OTULIN: variants seen among roughly 807,000 people sequenced by gnomAD.
OTULIN encodes the protein OTU deubiquitinase with linear linkage specificity, also known as ubiquitin thioesterase otulin.
A neutral mutation model predicts 39.6 loss-of-function variants in OTULIN; 15 were observed. That is an observed-to-expected ratio of 0.38 (90% CI 0.25 to 0.58). OTULIN has a LOEUF of 0.58. Ranked by LOEUF, OTULIN falls within the 20% of genes least tolerant of loss-of-function variation. The pLI is 0.66. For synonymous variants in OTULIN, 156 were observed against 170.3 expected, an observed-to-expected ratio of 0.92 and a Z score of 0.65; for missense variants, 319 against 445.9, an observed-to-expected ratio of 0.72 and a Z score of 2.56.
In OTULIN at chr5:14,694,696, ATATT is replaced by A. The variant is rs1736621423; in HGVS notation, c.*1653_*1656del. ...AGTAATATTCACCACATTTTGCTAA[ATATT>A]TATTGATTAGAGTGTTGAAATCAAA... On this transcript the variant is annotated 3_prime_UTR_variant, in exon 7 of 7. Transcript: ENST00000284274. 1 of 152,672 alleles carries A rather than the reference ATATT, an allele frequency of 6.5e-6. No homozygotes were observed. The highest frequency in any genetic ancestry group is 2.4e-5 in the African/African-American group (1 of 41,466). The allele number at this position is 152,672 out of a possible 1,614,324, so 9.5% of individuals were successfully genotyped here. A position where few individuals can be genotyped will look rare whatever the true frequency, so the allele number is the denominator to read the frequency against.
chr5:14,692,435 T>TG (rs1490152026), intron 6 of OTULIN, among the ~76,000 whole-genome samples: 1 of 152,228 alleles, frequency 6.6e-6, no homozygotes, highest in African/African-American at 2.4e-5. Flanking sequence ...CTAGTGGGTG[T>TG]GAAGTACTAT....
chr5:14,680,382 T>A (rs1736215037), intron 3 of OTULIN, among the ~76,000 whole-genome samples: 1 of 152,240 alleles, frequency 6.6e-6, no homozygotes, highest in Admixed American at 6.5e-5. Context: ...TTCTAGTACC[T>A]GGACACACAG....
At chr5:14,671,139 G>A (rs547025502) in intron 1 of OTULIN, among the ~76,000 whole-genome samples, 6 of 152,138 alleles carry the variant, frequency 3.9e-5, no homozygotes, top group Non-Finnish European at 8.8e-5. Flanking sequence ...GTTGGCCTTT[G>A]TAGGAATTTG....
intron 4 of OTULIN, among the ~76,000 whole-genome samples, chr5:14,684,293 G>T (rs990002950): frequency 1.3e-5 from 2 of 152,228 alleles, no homozygotes; most frequent in African/African-American, 4.8e-5. Context: ...CTGTCATCCA[G>T]CCAGAGGACT....
downstream of OTULIN, among the ~76,000 whole-genome samples, chr5:14,701,503 C>G (rs941722079): frequency 3.3e-5 from 5 of 152,194 alleles, no homozygotes; most frequent in African/African-American, 1.2e-4. Context: ...CACTGAGTCC[C>G]CAGGACTCAG....
the OTULIN span, chr5:14,711,427 T>C: frequency 3.6e-6 from 3 of 842,410 alleles, no homozygotes; most frequent in Admixed American, 5.6e-5. Context: ...GGCTTAAACC[T>C]TCTTATGGTT....
intron 2 of OTULIN, among the ~76,000 whole-genome samples, chr5:14,675,156 T>C (rs1429225291): frequency 6.6e-6 from 1 of 152,218 alleles, no homozygotes; most frequent in Non-Finnish European, 1.5e-5. Context: ...ATCCTGTTCA[T>C]ACATGTTATA....
chr5:14,667,128 T>C (rs1261054084), intron 1 of OTULIN, among the ~76,000 whole-genome samples: 1 of 152,210 alleles, frequency 6.6e-6, no homozygotes, highest in African/African-American at 2.4e-5. Flanking sequence ...TTTTGAGATA[T>C]CCTATAGAGT....
At chr5:14,665,449 C>G (rs1579955829) in intron 1 of OTULIN, among the ~76,000 whole-genome samples, 1 of 152,222 alleles carries the variant, frequency 6.6e-6, no homozygotes, top group African/African-American at 2.4e-5. Context: ...CCCATTCTCT[C>G]TGACCCTTTA....
Position 14,693,046 on chromosome 5 carries a change from T to C in OTULIN, c.1057T>C (p.Ter353ArgextTer33), listed in dbSNP as rs748025097. 19 of 1,607,212 alleles carry C rather than the reference T, an allele frequency of 1.2e-5. No homozygotes were observed. Among genetic ancestry groups the C allele is most frequent in the Admixed American group, 1.7e-5 (1 of 59,276 alleles). The change falls in exon 7 of 7, where the codon TGA becomes CGA. Residue 353 changes from the stop codon to arginine (R), a stop_lost. Transcript: ENST00000284274. Reference protein sequence around the residue: ...PVRVCEETSL* With the variant: ...PVRVCEETSLR Reference sequence around the variant, plus strand: ...CAGAGTGTGTGAGGAGACCAGTCTATGAGAGACGCATGCTCCTGACAGCCT... The same window carrying C: ...CAGAGTGTGTGAGGAGACCAGTCTACGAGAGACGCATGCTCCTGACAGCCT...
In OTULIN at chr5:14,693,192, T is replaced by C; in HGVS notation, c.*144T>C. 1 of 664,190 alleles carries C rather than the reference T, an allele frequency of 1.5e-6. No homozygotes were observed. Among genetic ancestry groups the C allele is most frequent in the South Asian group, 2.2e-5 (1 of 45,806 alleles). The allele number at this position is 664,190 out of a possible 1,614,324, so 41.1% of individuals were successfully genotyped here. ...GGGAGCCAAGTTGGACAGGATGTCCTGAAGACTAGCTTTTGATAAGAGAAA... is the reference window on the plus strand; with the variant it reads ...GGGAGCCAAGTTGGACAGGATGTCCCGAAGACTAGCTTTTGATAAGAGAAA... On this transcript the variant is annotated 3_prime_UTR_variant, in exon 7 of 7. Coordinates refer to ENST00000284274, the MANE Select transcript of OTULIN (RefSeq NM_138348.6).
rs1561004514 is a variant in OTULIN at position 14,694,494 on chromosome 5, TA to T, written c.*1448del. 1 of 152,262 alleles carries T rather than the reference TA, an allele frequency of 6.6e-6. No homozygotes were observed. Among genetic ancestry groups the T allele is most frequent in the African/African-American group, 2.4e-5 (1 of 41,466 alleles). 9.4% of individuals were successfully genotyped at this position (152,262 alleles called of 1,614,324 possible). On this transcript the variant is annotated 3_prime_UTR_variant, in exon 7 of 7. Coordinates refer to ENST00000284274, the MANE Select transcript of OTULIN (RefSeq NM_138348.6). ...TGAAGTACTGAGCTTTGTTTTATAA[TA>T]ATTAAAATCCTTATTTGGTCCAATT...
rs749626732 is a variant in OTULIN at position 14,687,562 on chromosome 5, A to C, written c.510A>C (p.Gln170His). 6.2e-7 allele frequency: 1 copy of C among 1,614,124 alleles called. No individual in the cohort carries two copies. The highest frequency in any genetic ancestry group is 8.5e-7 in the Non-Finnish European group (1 of 1,180,002). Residue 170 changes from glutamine to histidine, a missense_variant, in exon 5 of 7, where the codon CAA becomes CAC. Gln to His is a conservative substitution (Grantham distance 24). This residue lies in a region of OTULIN where 54 missense variants were observed against 50.7 expected (regional missense o/e 1.07). Transcript: ENST00000284274. ...TAAGCAAATACAACTGGATCAAGCA[A>C]TGGAAACTTGGACTGAAATTTGATG... is the stretch of plus-strand genomic sequence containing the variant. ...KLISKYNWIK[Q>H]WKLGLKFDGK...
rs77084152 is a variant in OTULIN at position 14,690,952 on chromosome 5, C to T, written c.864+644C>T. Among the ~76,000 whole-genome samples, 738 of 152,278 alleles carry T rather than the reference C, an allele frequency of 4.8e-3. 43 individuals carry two copies. The East Asian group carries it at 0.12, about 25-fold the overall frequency. ...TACTTGGAAGAGCCATTCGAAGGGT[C>T]TTGTTTAATCTTGGCAACTGTAGCT... On this transcript the variant is annotated intron_variant, in intron 6 of 6. Coordinates refer to ENST00000284274, the MANE Select transcript of OTULIN (RefSeq NM_138348.6). The surrounding 1 kb of genome is among the most constrained non-coding windows in gnomAD (Gnocchi z 4.5).
At chr5:14,711,783 G>A in the OTULIN span, among the ~76,000 whole-genome samples, 1 of 152,226 alleles carries the variant, frequency 6.6e-6, no homozygotes, top group Non-Finnish European at 1.5e-5. Context: ...GCCTGTCCTA[G>A]TTCCTGGTCA....
At chr5:14,691,615 A>G (rs1335760810) in intron 6 of OTULIN, among the ~76,000 whole-genome samples, 2 of 150,772 alleles carry the variant, frequency 1.3e-5, no homozygotes, top group East Asian at 3.9e-4. Context: ...TTTTTTTTCA[A>G]TAAGAAATTT....
intron 2 of OTULIN, among the ~76,000 whole-genome samples, chr5:14,678,064 G>A (rs1296224759): frequency 1.3e-5 from 2 of 152,184 alleles, no homozygotes; most frequent in African/African-American, 4.8e-5. Flanking sequence ...GGTGGTGGGT[G>A]AGTGGTACAG....
In OTULIN at chr5:14,692,492, C is replaced by T. The variant is rs534296837; in HGVS notation, c.865-362C>T. On this transcript the variant is annotated intron_variant, in intron 6 of 6. Transcript: ENST00000284274. ...TTTTGATTTCCCTAATGACTCACAA[C>T]GTTGAGCATCTTTTCATGTGCTTTC... Among the ~76,000 whole-genome samples, 9 of 152,310 alleles carry T rather than the reference C, an allele frequency of 5.9e-5. No homozygotes were observed. The South Asian group carries it at 1.7e-3, about 28-fold the overall frequency.
chr5:14,712,214 T>G, the OTULIN span, among the ~76,000 whole-genome samples: 1 of 152,218 alleles, frequency 6.6e-6, no homozygotes, highest in Non-Finnish European at 1.5e-5. Flanking sequence ...GAGATGCACG[T>G]CACGCACCGT....
Sources: gnomAD v4.1 joint callset for allele counts (sites outside exome capture counted in the v4.1 genomes callset) on GRCh38, gnomAD v4.1.1 for gene constraint, gnomAD v4.1.1 regional missense constraint, Gnocchi (gnomAD v3.1) non-coding constraint, MANE v1.5 for transcripts, NCBI Gene and HGNC (gene_info 2026-07-23, HGNC 2026-07-21) for gene names.